VPS53: variants seen among roughly 807,000 people sequenced by gnomAD.
VPS53 encodes the protein vacuolar protein sorting-associated protein 53 homolog.
A neutral mutation model predicts 107.0 loss-of-function variants in VPS53; 70 were observed. That is an observed-to-expected ratio of 0.65 (90% confidence interval 0.54 to 0.80). The LOEUF (loss-of-function observed/expected upper bound fraction) is 0.80. Ranked by LOEUF, VPS53 falls within the 30% of genes least tolerant of loss-of-function variation. VPS53 has a pLI of 0.00. For missense variants in VPS53, 917 were observed against 1,049.4 expected (o/e 0.87, Z 1.74); for synonymous variants, 409 against 393.3 (o/e 1.04, Z -0.47).
chr17:596,548 CCTGCCACCACAGCACCCGGGT>C (rs1489831970), intron 12 of VPS53, among the ~76,000 whole-genome samples: 11 of 152,192 alleles, frequency 7.2e-5, no homozygotes, highest in African/African-American at 2.7e-4. Context: ...GACCCTTGAC[CCTGCCACCACAGCACCCGGGT>C]CCTCTTGCAG....
At chr17:578,587 G>A (rs560584177) in intron 13 of VPS53, among the ~76,000 whole-genome samples, 10 of 130,200 alleles carry the variant, frequency 7.7e-5, no homozygotes, top group East Asian at 2.4e-4. Context: ...CAGAACCTCA[G>A]TGCGTTCCCA....
chr17:542,785 C>T (rs1910800859), intron 17 of VPS53, among the ~76,000 whole-genome samples: 2 of 152,064 alleles, frequency 1.3e-5, no homozygotes, highest in South Asian at 4.1e-4. Flanking sequence ...TCGAGACCAG[C>T]CTGGCCAACA....
intron 7 of VPS53, among the ~76,000 whole-genome samples, chr17:646,630 T>G (rs376080712): frequency 1.1e-4 from 9 of 82,350 alleles, no homozygotes; most frequent in East Asian, 4.7e-4. Flanking sequence ...CCCACACACA[T>G]CTCCGTGACC....
chr17:522,061 C>T (rs1054404612), intron 19 of VPS53, among the ~76,000 whole-genome samples: 1 of 152,046 alleles, frequency 6.6e-6, no homozygotes, highest in Admixed American at 6.6e-5. Flanking sequence ...TGAGACCAGC[C>T]TGGGCAACAT....
At chr17:629,370 G>C (rs1969844485) in intron 8 of VPS53, among the ~76,000 whole-genome samples, 2 of 152,140 alleles carry the variant, frequency 1.3e-5, no homozygotes, top group South Asian at 4.1e-4. Flanking sequence ...GAGTTTACTA[G>C]GTTGTGCCTT....
intron 15 of VPS53, among the ~76,000 whole-genome samples, chr17:559,332 G>A (rs987568197): frequency 2.0e-5 from 3 of 152,126 alleles, no homozygotes; most frequent in Non-Finnish European, 2.9e-5. Context: ...ATATTTACAT[G>A]TATCGTATTT....
At position 581,677 on chromosome 17, in the gene VPS53, C is replaced by T. The variant is rs549262957; in HGVS notation, c.1313+4593G>A. Among the ~76,000 whole-genome samples the T allele has an allele frequency of 1.5e-4, 22 of 151,108 alleles. No individual in the cohort carries two copies. The South Asian group carries it at 4.6e-3, about 32-fold the overall frequency. The stretch of plus-strand genomic sequence containing the variant: ...AGAGGACTTCCCTCAGAACCTAATG[C>T]ATCCCCGGAAAACCTTCCTCAGAAC... On this transcript the variant is annotated intron_variant, in intron 13 of 21. Coordinates refer to ENST00000437048, the MANE Select transcript of VPS53 (RefSeq NM_001128159.3).
At chr17:652,728 ATTGTT>A (rs1366560439) in intron 7 of VPS53, among the ~76,000 whole-genome samples, 1 of 152,210 alleles carries the variant, frequency 6.6e-6, no homozygotes, top group Non-Finnish European at 1.5e-5. Flanking sequence ...CAAAACAATT[ATTGTT>A]TTAAGCTACT....
In VPS53 at chr17:645,676, C is replaced by T. The variant is rs530740990; in HGVS notation, c.608+7615G>A. ...TTACAGATCCATTTTGAGTTATTAA[C>T]GAATCCCTATGCTGGTTTCTGCCAA... On this transcript the variant is annotated intron_variant, in intron 7 of 21. Coordinates refer to ENST00000437048, the MANE Select transcript of VPS53 (RefSeq NM_001128159.3). 1.6e-4 allele frequency among the ~76,000 whole-genome samples: 25 copies of T among 152,312 alleles called. 1 individual carries two copies. In the South Asian group the frequency reaches 1.9e-3, roughly 11 times the overall value.
intron 7 of VPS53, among the ~76,000 whole-genome samples, chr17:640,010 G>GAGGC (rs758214161): frequency 6.6e-4 from 101 of 152,198 alleles, no homozygotes; most frequent in Non-Finnish European, 1.2e-3. Context: ...GGAGTCTACA[G>GAGGC]AGGCAGGCAG....
chr17:569,300 C>G (rs904351673), intron 13 of VPS53, among the ~76,000 whole-genome samples: 3 of 152,134 alleles, frequency 2.0e-5, no homozygotes, highest in Admixed American at 2.0e-4. Flanking sequence ...AGTTCAAACA[C>G]GGTGTGCAGG....
intron 12 of VPS53, among the ~76,000 whole-genome samples, chr17:588,413 C>T (rs1017188660): frequency 6.6e-6 from 1 of 152,074 alleles, no homozygotes; most frequent in Non-Finnish European, 1.5e-5. Context: ...AAGAGATAAG[C>T]CCTAATGACA....
chr17:556,029 A>G (rs1019797503), intron 15 of VPS53, among the ~76,000 whole-genome samples: 1 of 152,026 alleles, frequency 6.6e-6, no homozygotes. Flanking sequence ...GGTAATCCCA[A>G]CTCTTTGGGG....
At chr17:647,219 C>T (rs1371564895) in intron 7 of VPS53, among the ~76,000 whole-genome samples, 1 of 152,174 alleles carries the variant, frequency 6.6e-6, no homozygotes, top group South Asian at 2.1e-4. Flanking sequence ...CTGCCCTCAG[C>T]CCCTGCTTCA....
intron 7 of VPS53, among the ~76,000 whole-genome samples, chr17:651,438 A>G (rs999080042): frequency 3.3e-4 from 50 of 152,078 alleles, no homozygotes; most frequent in African/African-American, 1.1e-3. Context: ...AAAAAGTAAC[A>G]AAGTTAGTTG....
rs1444417539 is a variant in VPS53, at chr17:515,223, A to G, written c.*3905T>C. ...GAGCTGTTAGCTGCTGCTTTCATCC[A>G]CAGGTACTCCTTTTACCTTATTATT... On this transcript the variant is annotated 3_prime_UTR_variant, in exon 22 of 22. Transcript: ENST00000437048. The G allele has an allele frequency of 2.0e-5, 3 of 152,076 alleles. No homozygotes were observed. Among genetic ancestry groups the G allele is most frequent in the Non-Finnish European group, 2.9e-5 (2 of 68,018 alleles). The allele number at this position is 152,076 out of a possible 1,614,324, so 9.4% of individuals were successfully genotyped here.
At chr17:651,044 C>T (rs1354560284) in intron 7 of VPS53, among the ~76,000 whole-genome samples, 1 of 152,146 alleles carries the variant, frequency 6.6e-6, no homozygotes, top group Non-Finnish European at 1.5e-5. Context: ...TAAATACACA[C>T]ACAAATCCGG....
At chr17:678,704 T>C (rs1461444501) in intron 4 of VPS53, among the ~76,000 whole-genome samples, 1 of 151,826 alleles carries the variant, frequency 6.6e-6, no homozygotes, top group Middle Eastern at 3.2e-3. Context: ...AGTGGCATGA[T>C]CTCGGCTCAC....
chr17:673,417 C>T (rs1465584992), intron 4 of VPS53, among the ~76,000 whole-genome samples: 1 of 152,206 alleles, frequency 6.6e-6, no homozygotes, highest in African/African-American at 2.4e-5. Flanking sequence ...CAATGCAGCC[C>T]GCTCTCCACG....
Sources: allele counts gnomAD v4.1 joint callset (sites outside exome capture counted in the v4.1 genomes callset), GRCh38; gene constraint gnomAD v4.1.1; transcripts MANE v1.5; gene names NCBI Gene and HGNC (gene_info 2026-07-23, HGNC 2026-07-21).